Variants in ABL2 observed in about 807,000 individuals in gnomAD.
ABL2 encodes the protein ABL proto-oncogene 2, non-receptor tyrosine kinase.
Under a neutral mutation model 107.7 loss-of-function variants are expected in ABL2, and 49 were observed. The ratio of observed to expected loss-of-function variants is 0.45; its 90% CI spans 0.36 to 0.58. The LOEUF (loss-of-function observed/expected upper bound fraction) is 0.58. Ranked by LOEUF, ABL2 falls within the 20% of genes least tolerant of loss-of-function variation. The pLI is 0.00. For synonymous variants in ABL2, 549 were observed against 548.6 expected, an observed-to-expected ratio of 1.00 and a Z score of -0.01; for missense variants, 1,245 against 1,457.0, an observed-to-expected ratio of 0.85 and a Z score of 2.37.
intron 10 of ABL2, among the ~76,000 whole-genome samples, chr1:179,111,248 C>T (rs1381270452): frequency 4.8e-5 from 7 of 144,930 alleles, no homozygotes; most frequent in Non-Finnish European, 6.0e-5. Context: ...TCCCAAAGTG[C>T]TGGGATTACA....
intron 1 of ABL2, among the ~76,000 whole-genome samples, chr1:179,188,448 G>A (rs1660807399): frequency 6.6e-6 from 1 of 152,054 alleles, no homozygotes; most frequent in African/African-American, 2.4e-5. Flanking sequence ...TCAGGGGGCT[G>A]AGGCAGGAGA....
At chr1:179,166,394 T>TAA (rs200116537) in intron 1 of ABL2, among the ~76,000 whole-genome samples, 6 of 108,854 alleles carry the variant, frequency 5.5e-5, no homozygotes, top group Admixed American at 9.6e-5. Context: ...AACTCAATAC[T>TAA]AAAAAAAAAA....
At chr1:179,136,091 G>GGC (rs1656930529) in intron 1 of ABL2, among the ~76,000 whole-genome samples, 1 of 149,012 alleles carries the variant, frequency 6.7e-6, no homozygotes, top group African/African-American at 2.5e-5. Context: ...AGGTGGGGGG[G>GGC]GTCAGCCCCC....
intron 11 of ABL2, among the ~76,000 whole-genome samples, chr1:179,109,667 G>A (rs959346828): frequency 5.9e-5 from 9 of 152,050 alleles, no homozygotes; most frequent in Admixed American, 4.6e-4. Flanking sequence ...GGTGGCTCAC[G>A]CCTGTAATCC....
chr1:179,148,798 G>A (rs549482779), intron 1 of ABL2, among the ~76,000 whole-genome samples: 12 of 151,760 alleles, frequency 7.9e-5, no homozygotes, highest in East Asian at 5.8e-4. Flanking sequence ...TACTCAGGAG[G>A]CTGAGGCAGT....
chr1:179,228,404 A>G (rs1307092078), intron 1 of ABL2, among the ~76,000 whole-genome samples: 1 of 152,154 alleles, frequency 6.6e-6, no homozygotes, highest in Non-Finnish European at 1.5e-5. Flanking sequence ...TTTGGAGACA[A>G]CTATTCTAAA....
At chr1:179,169,517 C>T (rs2816192) in intron 1 of ABL2, among the ~76,000 whole-genome samples, 137,020 of 151,348 alleles carry the variant, frequency 0.91, 62,133 homozygotes, top group East Asian at 1. Context: ...CACTGCACTC[C>T]AGCCTGGGCG....
chr1:179,177,480 A>G (rs1557977232), intron 1 of ABL2, among the ~76,000 whole-genome samples: 1 of 152,260 alleles, frequency 6.6e-6, no homozygotes, highest in African/African-American at 2.4e-5. Context: ...TCAGAAGGGC[A>G]GTCAGTTGTT....
rs185344904 is a variant in ABL2 at position 179,148,729 on chromosome 1, G to A, written c.158-15355C>T. Among the ~76,000 whole-genome samples, 417 of 151,894 alleles carry A rather than the reference G, an allele frequency of 2.7e-3. 1 individual carries two copies. The highest frequency in any genetic ancestry group is 9.0e-3 in the African/African-American group (374 of 41,424). On this transcript the variant is annotated intron_variant, in intron 1 of 11. Transcript: ENST00000502732. ...AGCCTCGCCAACATGGTGAAACCCCGTTTCTACTAAAAATACAAAAATTAG... is the reference window on the plus strand; with the variant it reads ...AGCCTCGCCAACATGGTGAAACCCCATTTCTACTAAAAATACAAAAATTAG...
At chr1:179,162,880 C>T (rs1034818389) in intron 1 of ABL2, among the ~76,000 whole-genome samples, 2 of 152,158 alleles carry the variant, frequency 1.3e-5, no homozygotes, top group Non-Finnish European at 2.9e-5. Context: ...ACATTTAAAA[C>T]CTAGCCAACA....
chr1:179,197,825 C>T (rs934134123), intron 1 of ABL2, among the ~76,000 whole-genome samples: 46 of 150,612 alleles, frequency 3.1e-4, no homozygotes, highest in African/African-American at 9.5e-4. Context: ...GCTGAGATCA[C>T]GCCACTGCAT....
intron 4 of ABL2, among the ~76,000 whole-genome samples, chr1:179,124,107 G>C (rs1655497011): frequency 1.3e-5 from 2 of 151,992 alleles, no homozygotes; most frequent in Non-Finnish European, 2.9e-5. Flanking sequence ...CGGGCGTGGT[G>C]GTGGGCGCCT....
At chr1:179,157,815 C>T (rs1287817386) in intron 1 of ABL2, among the ~76,000 whole-genome samples, 30 of 151,944 alleles carry the variant, frequency 2.0e-4, no homozygotes, top group Admixed American at 1.9e-3. Context: ...AGCGATCCTC[C>T]TGCGTCAGCC....
At chr1:179,192,789 C>G (rs1320336997) in intron 1 of ABL2, among the ~76,000 whole-genome samples, 1 of 152,160 alleles carries the variant, frequency 6.6e-6, no homozygotes, top group African/African-American at 2.4e-5. Flanking sequence ...AACATTAAGT[C>G]TGATAACTTC....
At chr1:179,197,085 T>C (rs1177676327) in intron 1 of ABL2, among the ~76,000 whole-genome samples, 2 of 152,070 alleles carry the variant, frequency 1.3e-5, no homozygotes, top group African/African-American at 2.4e-5. Flanking sequence ...CATATCTAAA[T>C]ACCATTCAAG....
intron 1 of ABL2, among the ~76,000 whole-genome samples, chr1:179,216,062 C>T (rs1662547353): frequency 6.6e-6 from 1 of 152,178 alleles, no homozygotes; most frequent in Admixed American, 6.5e-5. Flanking sequence ...CCCTAGAAAG[C>T]AAACCCGAGA....
intron 1 of ABL2, among the ~76,000 whole-genome samples, chr1:179,189,242 TC>T (rs1483116532): frequency 3.4e-4 from 51 of 152,142 alleles, no homozygotes; most frequent in African/African-American, 1.2e-3. Flanking sequence ...TTCAAGTGAT[TC>T]TCCTGTCTCA....
Position 179,106,386 on chromosome 1 carries a change from A to T in ABL2, c.*1332T>A. The T allele has an allele frequency of 4.3e-6, 1 of 231,640 alleles. No individual in the cohort carries two copies. The highest frequency in any genetic ancestry group is 8.5e-6 in the Non-Finnish European group (1 of 117,062). The allele number at this position is 231,640 out of a possible 1,614,324, so 14.3% of individuals were successfully genotyped here. The stretch of plus-strand genomic sequence containing the variant: ...GTCTACCTGGTGCTCCCTGAAAATG[A>T]CTACTCCTTCAATTATGCATTCTTA... On this transcript the variant is annotated 3_prime_UTR_variant, in exon 12 of 12. Coordinates refer to ENST00000502732, the MANE Select transcript of ABL2 (RefSeq NM_007314.4).
intron 1 of ABL2, among the ~76,000 whole-genome samples, chr1:179,174,399 G>A (rs895424019): frequency 2.6e-5 from 4 of 151,040 alleles, no homozygotes; most frequent in Non-Finnish European, 5.9e-5. Flanking sequence ...ACCTGAGGTC[G>A]GGAGTTCGAG....
Sources: gnomAD v4.1 joint callset for allele counts (sites outside exome capture counted in the v4.1 genomes callset) on GRCh38, gnomAD v4.1.1 for gene constraint, MANE v1.5 for transcripts, NCBI Gene and HGNC (gene_info 2026-07-23, HGNC 2026-07-21) for gene names.